The following LRRC2 variants were observed in gnomAD, a reference collection of about 807,000 sequenced individuals.
LRRC2 encodes leucine rich repeat containing 2, also known as leucine-rich repeat-containing protein 2.
LRRC2 carries 27 observed loss-of-function variants against 40.2 expected under a neutral mutation model. That is an observed-to-expected ratio of 0.67 (90% CI 0.49 to 0.93). The LOEUF (loss-of-function observed/expected upper bound fraction) is 0.93, where lower values mean the gene tolerates loss of function less well. LRRC2 is among the 40% of genes least tolerant of loss of function. LRRC2 has a pLI of 0.00. For synonymous variants in LRRC2, 147 were observed against 158.9 expected (o/e 0.92, Z 0.56); for missense variants, 402 against 439.6 (o/e 0.91, Z 0.76).
At chr3:46,547,835 T>C (rs1475938688) in intron 2 of LRRC2, among the ~76,000 whole-genome samples, 3 of 152,120 alleles carry the variant, frequency 2.0e-5, no homozygotes, top group Non-Finnish European at 2.9e-5. Context: ...TTGCTTTTCC[T>C]TATTAGCTTT....
rs376873652 is a variant in LRRC2 at position 46,527,420 on chromosome 3, A to G, written c.929+6T>C. 8.1e-6 allele frequency: 13 copies of G among 1,613,646 alleles called. No homozygotes were observed. The highest frequency in any genetic ancestry group is 1.1e-5 in the Non-Finnish European group (13 of 1,179,732). ...GTGTGTCTACTGGGATTTCCGGGCT[A>G]CTCACTTTAAAGGTGTGGATGAGTC... is the stretch of plus-strand genomic sequence containing the variant. On this transcript the variant is annotated splice_donor_region_variant and intron_variant, in intron 7 of 8. Transcript: ENST00000395905.
chr3:46,563,858 G>A (rs1438265574), intron 1 of LRRC2, among the ~76,000 whole-genome samples: 1 of 152,158 alleles, frequency 6.6e-6, no homozygotes, highest in Non-Finnish European at 1.5e-5. Context: ...CCAAGCCCCT[G>A]CAGACAGAGG....
chr3:46,550,898 A>G (rs1704631078), intron 2 of LRRC2, among the ~76,000 whole-genome samples: 1 of 152,222 alleles, frequency 6.6e-6, no homozygotes, highest in Non-Finnish European at 1.5e-5. Context: ...ATGCAAAGCC[A>G]TCTTCAACCT....
chr3:46,529,760 C>T (rs533396533), intron 6 of LRRC2, 145 bp downstream of exon 6: 68 of 842,654 alleles, frequency 8.1e-5, no homozygotes, highest in Non-Finnish European at 1.2e-4. Flanking sequence ...ATAATTTCCT[C>T]GGAAACTGAT....
At chr3:46,529,295 G>T (rs1364081015) in intron 6 of LRRC2, among the ~76,000 whole-genome samples, 1 of 151,886 alleles carries the variant, frequency 6.6e-6, no homozygotes, top group Non-Finnish European at 1.5e-5. Flanking sequence ...ATATAATTTG[G>T]GCCAGGCACA....
chr3:46,562,261 C>T (rs73071938), intron 1 of LRRC2, among the ~76,000 whole-genome samples: 5,141 of 152,172 alleles, frequency 0.034, 196 homozygotes, highest in South Asian at 0.15. Flanking sequence ...GAACTGAGGC[C>T]TCCTGTCAAC....
chr3:46,526,879 C>T (rs1704068833), intron 7 of LRRC2, among the ~76,000 whole-genome samples: 1 of 152,236 alleles, frequency 6.6e-6, no homozygotes, highest in Admixed American at 6.5e-5. Flanking sequence ...AATGGGGCAA[C>T]CCCAAAGCTC....
intron 3 of LRRC2, among the ~76,000 whole-genome samples, chr3:46,541,091 T>C (rs1326893461): frequency 6.6e-6 from 1 of 152,136 alleles, no homozygotes; most frequent in African/African-American, 2.4e-5. Flanking sequence ...CCCAGCACTT[T>C]GGGAGGCCGA....
At chr3:46,560,933 A>C (rs1337795497) in intron 1 of LRRC2, among the ~76,000 whole-genome samples, 2 of 152,184 alleles carry the variant, frequency 1.3e-5, no homozygotes, top group African/African-American at 4.8e-5. Context: ...CTGAGTGAAA[A>C]TGTTAACCAT....
chr3:46,535,562 C>A (rs757585890), intron 4 of LRRC2, among the ~76,000 whole-genome samples: 11 of 152,126 alleles, frequency 7.2e-5, no homozygotes, highest in South Asian at 2.1e-4. Context: ...ATTCTGACCC[C>A]TTATCCTACA....
At chr3:46,556,793 G>T (rs1704809606) in intron 1 of LRRC2, among the ~76,000 whole-genome samples, 1 of 151,698 alleles carries the variant, frequency 6.6e-6, no homozygotes, top group Admixed American at 6.6e-5. Flanking sequence ...TGATCAGGTT[G>T]GTCTCGAATT....
chr3:46,542,409 A>C (rs894201676), intron 3 of LRRC2, among the ~76,000 whole-genome samples: 1 of 151,960 alleles, frequency 6.6e-6, no homozygotes, highest in Non-Finnish European at 1.5e-5. Context: ...AGGTGGAAGG[A>C]TCACTTGAGT....
intron 1 of LRRC2, among the ~76,000 whole-genome samples, chr3:46,552,312 G>T (rs6789154): frequency 6.6e-6 from 1 of 151,468 alleles, no homozygotes; most frequent in Admixed American, 6.6e-5. Flanking sequence ...CACGCAGGCA[G>T]GCACGCACAC....
chr3:46,521,556 A>G lies in LRRC2; in HGVS notation c.1032T>C (p.Val344=), dbSNP rs1370896256. The G allele has an allele frequency of 4.3e-6, 7 of 1,612,170 alleles. No individual in the cohort carries two copies. Among genetic ancestry groups the G allele is most frequent in the African/African-American group, 4.0e-5 (3 of 74,896 alleles). Residue 344 remains valine, a synonymous_variant, in exon 8 of 9, where the codon GTT becomes GTC. Transcript: ENST00000395905. The stretch of plus-strand genomic sequence containing the variant: ...TAAGGTCTTCAATATAGGCTTTCAT[A>G]ACTTCTTTATCAAAATGTTGGCGAT... The part of the protein sequence containing the change: ...ERDRQHFDKE[V]MKAYIEDLKE...
At chr3:46,551,237 G>A (rs1420903186) in intron 2 of LRRC2, 7 of 361,672 alleles carry the variant, frequency 1.9e-5, no homozygotes, top group African/African-American at 8.4e-5. Context: ...GGTCTTCCTC[G>A]TGCCTACCAC....
chr3:46,546,578 T>C (rs1704529178), intron 2 of LRRC2, among the ~76,000 whole-genome samples: 1 of 152,196 alleles, frequency 6.6e-6, no homozygotes. Flanking sequence ...GACTAAGCTA[T>C]TTTATAACTC....
At chr3:46,562,733 T>C (rs1704972618) in intron 1 of LRRC2, among the ~76,000 whole-genome samples, 1 of 147,192 alleles carries the variant, frequency 6.8e-6, no homozygotes, top group Non-Finnish European at 1.5e-5. Context: ...AGTTACTTCT[T>C]TTTTTTTTTT....
intron 5 of LRRC2, among the ~76,000 whole-genome samples, chr3:46,532,557 A>C (rs2106997530): frequency 6.6e-6 from 1 of 152,046 alleles, no homozygotes; most frequent in Middle Eastern, 3.4e-3. Flanking sequence ...GTGAGCTGAG[A>C]TCACACCACT....
At chr3:46,522,376 A>AAAATAAAT (rs59264692) in intron 7 of LRRC2, among the ~76,000 whole-genome samples, 9,248 of 135,872 alleles carry the variant, frequency 0.068, 371 homozygotes, top group African/African-American at 0.092. Context: ...CTCAATCTCA[A>AAAATAAAT]AAATAAATAA....
Sources: gnomAD v4.1 joint callset for allele counts (sites outside exome capture counted in the v4.1 genomes callset) on GRCh38, gnomAD v4.1.1 for gene constraint, MANE v1.5 for transcripts, NCBI Gene and HGNC (gene_info 2026-07-23, HGNC 2026-07-21) for gene names.